The following NBPF26 variants were observed in gnomAD, a reference collection of about 807,000 sequenced individuals.
NBPF26 encodes the protein NBPF family member NBPF26.
NBPF26 carries 79 observed loss-of-function variants against 119.6 expected under a neutral mutation model. The observed-to-expected ratio is 0.66, with a 90% CI of 0.55 to 0.80. The LOEUF (loss-of-function observed/expected upper bound fraction) is 0.80. Ranked by LOEUF, NBPF26 falls within the 30% of genes least tolerant of loss-of-function variation. The pLI is 0.00. For synonymous variants in NBPF26, 299 were observed against 457.7 expected (o/e 0.65, Z 4.43); for missense variants, 800 against 1,198.2 (o/e 0.67, Z 4.91).
chr1:120,810,137 C>T (rs1288417378), intron 8 of NBPF26, among the ~76,000 whole-genome samples: 1 of 123,764 alleles, frequency 8.1e-6, no homozygotes, highest in Middle Eastern at 3.8e-3. Context: ...GTGCACTGAA[C>T]ACCAGCTGCT....
At chr1:120,793,085 ATGTCAATGAGGTAT>A in intron 3 of NBPF26, 62 bp from the exon 4 acceptor site, 1 of 671,106 alleles carries the variant, frequency 1.5e-6, no homozygotes, top group Non-Finnish European at 2.5e-6. Flanking sequence ...GAGCTCGCTG[ATGTCAATGAGGTAT>A]TGAGGATGGG....
Position 120,819,296 on chromosome 1 carries a change from G to A in NBPF26, c.2423+1122G>A, listed in dbSNP as rs1652080771. Reference sequence around the variant, plus strand: ...GTCTGTTTTATCAGAGACTAGGATTGCAACCCCTGCCTTTTTTTTGTTTTC... The same window carrying A: ...GTCTGTTTTATCAGAGACTAGGATTACAACCCCTGCCTTTTTTTTGTTTTC... On this transcript the variant is annotated intron_variant, in intron 15 of 29. Transcript: ENST00000620612. 2.6e-5 allele frequency among the ~76,000 whole-genome samples: 3 copies of A among 116,140 alleles called. 1 individual carries two copies. In the South Asian group the frequency reaches 7.5e-4, roughly 29 times the overall value. The allele number at this position is 116,140 out of a possible 152,430, so 76.2% of individuals were successfully genotyped here.
chr1:120,729,798 T>C lies in NBPF26; in HGVS notation c.73+5548T>C, dbSNP rs1302992787. 6.1e-5 allele frequency among the ~76,000 whole-genome samples: 7 copies of C among 115,330 alleles called. 1 individual carries two copies. Among genetic ancestry groups the C allele is most frequent in the Non-Finnish European group, 1.2e-4 (7 of 60,256 alleles). 75.7% of individuals were successfully genotyped at this position (115,330 alleles called of 152,430 possible). A position where few individuals can be genotyped will look rare whatever the true frequency, so the allele number is the denominator to read the frequency against. Reference sequence around the variant, plus strand: ...GAGTGTCATCTGGGAATTTGTGTGTTCAAGAAATAGCCAGGTGATTCTTAC... The same window carrying C: ...GAGTGTCATCTGGGAATTTGTGTGTCCAAGAAATAGCCAGGTGATTCTTAC... On this transcript the variant is annotated intron_variant, in intron 1 of 29. Transcript: ENST00000620612.
At chr1:120,821,990 C>G in intron 15 of NBPF26, 114 bp from the exon 16 acceptor site, 1 of 1,141,210 alleles carries the variant, frequency 8.8e-7, no homozygotes, top group South Asian at 1.4e-5. Flanking sequence ...GGAAAAATGC[C>G]TTTGGTTTCT....
intron 9 of NBPF26, among the ~76,000 whole-genome samples, chr1:120,811,114 G>C (rs1651852575): frequency 9.4e-6 from 1 of 106,710 alleles, no homozygotes; most frequent in East Asian, 2.2e-4. Flanking sequence ...TGGGTGTGGT[G>C]GTGGGTGCCT....
intron 2 of NBPF26, among the ~76,000 whole-genome samples, chr1:120,783,828 C>T (rs1651393021): frequency 9.0e-6 from 1 of 110,750 alleles, no homozygotes; most frequent in South Asian, 2.7e-4. Flanking sequence ...CAGAGGGAGT[C>T]ATAGAAGCCA....
chr1:120,724,289 G>A, intron 1 of NBPF26, 39 bp downstream of exon 1: 1 of 1,372,836 alleles, frequency 7.3e-7, no homozygotes. Flanking sequence ...GCGGCGCCCG[G>A]GGCTGCCACC....
At chr1:120,750,596 AC>A (rs1289151148) in intron 1 of NBPF26, among the ~76,000 whole-genome samples, 1 of 100,716 alleles carries the variant, frequency 9.9e-6, no homozygotes, top group Non-Finnish European at 1.8e-5. Context: ...GAAGAAACTG[AC>A]CAGCCAACTG....
At chr1:120,805,724 C>A in exon 5 of NBPF26, 1 of 1,450,214 alleles carries the variant, frequency 6.9e-7, no homozygotes, top group Non-Finnish European at 9.3e-7. Context: ...TGTTTTCTAA[C>A]TCAACTGGCC....
rs1183395113 is a variant in NBPF26 at position 120,817,890 on chromosome 1, G to A, written c.2372-233G>A. ...TTTTGTTTAACTTTGACTCAAGCAG[G>A]GAATATGGCATTATGGTCTACACAT... On this transcript the variant is annotated intron_variant, in intron 14 of 29. Transcript: ENST00000620612. 4.4e-5 allele frequency among the ~76,000 whole-genome samples: 5 copies of A among 113,378 alleles called. 1 individual carries two copies. The highest frequency in any genetic ancestry group is 8.3e-5 in the Non-Finnish European group (5 of 60,152). 74.4% of individuals were successfully genotyped at this position (113,378 alleles called of 152,430 possible). A position where few individuals can be genotyped will look rare whatever the true frequency, so the allele number is the denominator to read the frequency against.
Position 120,784,439 on chromosome 1 carries a change from C to T in NBPF26, c.156-535C>T, listed in dbSNP as rs1463243160. On this transcript the variant is annotated intron_variant, in intron 2 of 29. Coordinates refer to ENST00000620612, the Ensembl canonical transcript of NBPF26. ...AGATATTCTTGCTGTTTCTCAAACACGCTAGGGCTGCTCTCTGTGTTATGG... is the reference window on the plus strand; with the variant it reads ...AGATATTCTTGCTGTTTCTCAAACATGCTAGGGCTGCTCTCTGTGTTATGG... Among the ~76,000 whole-genome samples the T allele has an allele frequency of 1.1e-4, 13 of 117,324 alleles. 3 individuals carry two copies. In the Middle Eastern group the frequency reaches 0.012, roughly 104 times the overall value. The allele number at this position is 117,324 out of a possible 152,430, so 77.0% of individuals were successfully genotyped here.
rs1395180953 is a variant in NBPF26, at chr1:120,784,435, A to C, written c.156-539A>C. ...CTCCAGATATTCTTGCTGTTTCTCAAACACGCTAGGGCTGCTCTCTGTGTT... is the reference window on the plus strand; with the variant it reads ...CTCCAGATATTCTTGCTGTTTCTCACACACGCTAGGGCTGCTCTCTGTGTT... On this transcript the variant is annotated intron_variant, in intron 2 of 29. Coordinates refer to ENST00000620612, the Ensembl canonical transcript of NBPF26. 6.8e-5 allele frequency among the ~76,000 whole-genome samples: 8 copies of C among 116,990 alleles called. 2 individuals carry two copies. Among genetic ancestry groups the C allele is most frequent in the African/African-American group, 2.0e-4 (4 of 20,084 alleles). 76.7% of individuals were successfully genotyped at this position (116,990 alleles called of 152,430 possible). A position where few individuals can be genotyped will look rare whatever the true frequency, so the allele number is the denominator to read the frequency against.
intron 17 of NBPF26, among the ~76,000 whole-genome samples, chr1:120,823,694 C>G (rs1652180977): frequency 8.4e-6 from 1 of 119,284 alleles, no homozygotes; most frequent in East Asian, 2.0e-4. Flanking sequence ...AGCACAAATA[C>G]AGAGTGTCCT....
rs1282546672 is a variant in NBPF26, at chr1:120,805,243, G to A, written c.752-313G>A. ...GCAAAGCCTGGGCAATTGGAATGCA[G>A]GGCTCCTAAGTTTCCATGACACCCC... On this transcript the variant is annotated intron_variant, in intron 4 of 29. Transcript: ENST00000620612. Among the ~76,000 whole-genome samples the A allele has an allele frequency of 1.6e-5, 2 of 125,872 alleles. 1 individual carries two copies. The highest frequency in any genetic ancestry group is 7.5e-5 in the African/African-American group (2 of 26,792). 82.6% of individuals were successfully genotyped at this position (125,872 alleles called of 152,430 possible).
intron 9 of NBPF26, among the ~76,000 whole-genome samples, chr1:120,811,099 T>A (rs1464980784): frequency 2.0e-5 from 2 of 98,848 alleles, no homozygotes; most frequent in South Asian, 2.9e-4. Flanking sequence ...AAAAAAAAAA[T>A]TAGCTGGGTG....
At chr1:120,812,954 TAATA>T (rs1329293239) in intron 10 of NBPF26, among the ~76,000 whole-genome samples, 1 of 102,238 alleles carries the variant, frequency 9.8e-6, no homozygotes, top group Non-Finnish European at 1.9e-5. Context: ...ATAATAATAA[TAATA>T]AATAAAAATA....
chr1:120,801,968 G>A lies in NBPF26; in HGVS notation c.752-3588G>A, dbSNP rs1185093645. 2.5e-4 allele frequency among the ~76,000 whole-genome samples: 28 copies of A among 111,522 alleles called. 8 individuals are homozygous for A. The highest frequency in any genetic ancestry group is 1.4e-3 in the African/African-American group (26 of 19,228). The allele number at this position is 111,522 out of a possible 152,430, so 73.2% of individuals were successfully genotyped here. A position where few individuals can be genotyped will look rare whatever the true frequency, so the allele number is the denominator to read the frequency against. On this transcript the variant is annotated intron_variant, in intron 4 of 29. Coordinates refer to ENST00000620612, the Ensembl canonical transcript of NBPF26. ...CTCCTTTTTTCAGAAATGAGGTATA[G>A]GGGAGAGAAACACGTACTTGGAAAG...
chr1:120,811,692 T>C (rs1553271006), intron 9 of NBPF26, among the ~76,000 whole-genome samples, 194 bp from the exon 10 acceptor site: 3 of 113,742 alleles, frequency 2.6e-5, no homozygotes, highest in South Asian at 2.5e-4. Context: ...TGTTTATGTC[T>C]TGGTTTCAAG....
intron 1 of NBPF26, among the ~76,000 whole-genome samples, chr1:120,752,552 A>ATTTTTTTTT (rs1386751525): frequency 0.02 from 178 of 8,970 alleles, 2 homozygotes; most frequent in Non-Finnish European, 0.026. Flanking sequence ...ATATATATAT[A>ATTTTTTTTT]TATTTTTTTT....
Sources: gnomAD v4.1 joint callset for allele counts (sites outside exome capture counted in the v4.1 genomes callset) on GRCh38, gnomAD v4.1.1 for gene constraint, MANE v1.5 for transcripts, NCBI Gene and HGNC (gene_info 2026-07-23, HGNC 2026-07-21) for gene names.